ECT2: variants seen among roughly 807,000 people sequenced by gnomAD.
ECT2 encodes the protein protein ECT2.
ECT2 carries 61 observed loss-of-function variants against 116.9 expected under a neutral mutation model. The ratio of observed to expected loss-of-function variants is 0.52; its 90% CI spans 0.42 to 0.65. ECT2 has a LOEUF of 0.65. ECT2 is among the 30% of genes least tolerant of loss of function. The pLI, the probability that ECT2 is intolerant of heterozygous loss-of-function variation, is 0.00. For missense variants in ECT2, 937 were observed against 1,078.7 expected, an observed-to-expected ratio of 0.87 and a Z score of 1.84; for synonymous variants, 358 against 346.4, an observed-to-expected ratio of 1.03 and a Z score of -0.37.
At chr3:172,798,415 G>A (rs2108956257) in intron 18 of ECT2, among the ~76,000 whole-genome samples, 1 of 152,078 alleles carries the variant, frequency 6.6e-6, no homozygotes, top group Non-Finnish European at 1.5e-5. Flanking sequence ...TCCAACAAGT[G>A]CCCTAAAGTC....
In ECT2 at chr3:172,814,998, C is replaced by G. The variant is rs550550401; in HGVS notation, c.2401-606C>G. On this transcript the variant is annotated intron_variant, in intron 22 of 24. Transcript: ENST00000392692. ...CCAGCATGTCAGCAGTGGCTGACCT[C>G]ACAGAAGTACACAGTAGACTTGTGG... Among the ~76,000 whole-genome samples, 89 of 152,256 alleles carry G rather than the reference C, an allele frequency of 5.8e-4. 2 individuals carry two copies. The highest frequency in any genetic ancestry group is 9.4e-4 in the Non-Finnish European group (64 of 68,010).
At chr3:172,828,710 A>G in the ECT2 span, 1 of 473,914 alleles carries the variant, frequency 2.1e-6, no homozygotes, top group Non-Finnish European at 3.9e-6. Context: ...GCAGGGACGG[A>G]CAGGTGGCCC....
At chr3:172,778,968 A>G (rs971683785) in intron 14 of ECT2, among the ~76,000 whole-genome samples, 4 of 152,164 alleles carry the variant, frequency 2.6e-5, no homozygotes, top group Admixed American at 6.5e-5. Flanking sequence ...TATATTTCAG[A>G]GTGCCTAAAG....
intron 8 of ECT2, 149 bp from the exon 9 acceptor site, chr3:172,762,267 T>C (rs1174778478): frequency 1.3e-6 from 1 of 799,548 alleles, no homozygotes; most frequent in Non-Finnish European, 1.9e-6. Flanking sequence ...AAACTGAAGT[T>C]TTTGTGAGCA....
intron 18 of ECT2, among the ~76,000 whole-genome samples, chr3:172,791,550 T>G (rs1215904526): frequency 6.6e-6 from 1 of 152,250 alleles, no homozygotes; most frequent in Non-Finnish European, 1.5e-5. Flanking sequence ...TACTTTTATG[T>G]TACAGAAATG....
At position 172,789,672 on chromosome 3, in the gene ECT2, G is replaced by A. The variant is rs142338934; in HGVS notation, c.1907+3098G>A. Among the ~76,000 whole-genome samples the A allele has an allele frequency of 3.1e-3, 477 of 152,322 alleles. 5 individuals are homozygous for A. The highest frequency in any genetic ancestry group is 9.8e-3 in the African/African-American group (409 of 41,562). On this transcript the variant is annotated intron_variant, in intron 18 of 24. Transcript: ENST00000392692. ...ATTTTGACACCACGTTATCAACTAA[G>A]TGTCTGTAGTATTCTAAATCCTTTC...
At chr3:172,800,891 C>G (rs1354801676) in intron 18 of ECT2, among the ~76,000 whole-genome samples, 1 of 152,112 alleles carries the variant, frequency 6.6e-6, no homozygotes, top group South Asian at 2.1e-4. Flanking sequence ...AGAACAGTTA[C>G]AGATACAATC....
At chr3:172,756,763 A>T (rs1035146126) in intron 4 of ECT2, among the ~76,000 whole-genome samples, 2 of 152,178 alleles carry the variant, frequency 1.3e-5, no homozygotes, top group African/African-American at 4.8e-5. Context: ...TTAAGAACTT[A>T]ATTTGAATGG....
At chr3:172,805,637 ATAGATT>A (rs1414395015) in intron 20 of ECT2, 88 bp from the exon 21 acceptor site, 4 of 1,214,692 alleles carry the variant, frequency 3.3e-6, no homozygotes, top group Non-Finnish European at 4.6e-6. Context: ...TAAGTTATAT[ATAGATT>A]TATGTGATTA....
At chr3:172,803,944 A>G (rs909386802) in intron 20 of ECT2, among the ~76,000 whole-genome samples, 1 of 151,918 alleles carries the variant, frequency 6.6e-6, no homozygotes, top group Non-Finnish European at 1.5e-5. Context: ...AGCTGAGACT[A>G]TAGACACTCG....
chr3:172,813,112 T>A (rs1370159646), intron 22 of ECT2, among the ~76,000 whole-genome samples: 1 of 152,076 alleles, frequency 6.6e-6, no homozygotes, highest in Admixed American at 6.6e-5. Flanking sequence ...AACCAAAAAC[T>A]ATTAGAATTA....
chr3:172,770,398 C>T (rs1057046097), intron 13 of ECT2, among the ~76,000 whole-genome samples: 2 of 152,252 alleles, frequency 1.3e-5, no homozygotes, highest in African/African-American at 2.4e-5. Flanking sequence ...AAAAATCTCA[C>T]GAAATTATTA....
At chr3:172,784,307 T>C (rs1214976164) in intron 16 of ECT2, among the ~76,000 whole-genome samples, 1 of 152,200 alleles carries the variant, frequency 6.6e-6, no homozygotes, top group East Asian at 1.9e-4. Context: ...TAAAGTTTTA[T>C]GTATTTTAGT....
chr3:172,823,303 C>T (rs1730760985), downstream of ECT2, among the ~76,000 whole-genome samples: 1 of 144,088 alleles, frequency 6.9e-6, no homozygotes, highest in African/African-American at 2.9e-5. Context: ...ACTCCAGTCT[C>T]TAAAAACAAC....
At position 172,821,283 on chromosome 3, in the gene ECT2, ATTTC is replaced by A. The variant is rs374381824; in HGVS notation, c.*1050_*1053del. 1.3e-5 allele frequency: 2 copies of A among 151,928 alleles called. No individual in the cohort carries two copies. Among genetic ancestry groups the A allele is most frequent in the African/African-American group, 2.4e-5 (1 of 41,526 alleles). The allele number at this position is 151,928 out of a possible 1,614,324, so 9.4% of individuals were successfully genotyped here. A position where few individuals can be genotyped will look rare whatever the true frequency, so the allele number is the denominator to read the frequency against. ...ATGGATAAATGCATTTTTATTTCCTATTTCTTTAGGGAGTGCTACAAATGTTTGT... is the reference window on the plus strand; with the variant it reads ...ATGGATAAATGCATTTTTATTTCCTATTTAGGGAGTGCTACAAATGTTTGT... On this transcript the variant is annotated 3_prime_UTR_variant, in exon 25 of 25. Transcript: ENST00000392692.
chr3:172,754,752 G>T (rs1685283000), intron 2 of ECT2, 92 bp downstream of exon 2: 1 of 943,628 alleles, frequency 1.1e-6, no homozygotes, highest in African/African-American at 1.7e-5. Flanking sequence ...AATACCAACT[G>T]TAATGCTAGA....
intron 13 of ECT2, among the ~76,000 whole-genome samples, chr3:172,770,282 A>G (rs917925352): frequency 2.6e-5 from 4 of 152,216 alleles, no homozygotes; most frequent in African/African-American, 9.6e-5. Context: ...GTACTTTAGT[A>G]GCATTTATTG....
intron 21 of ECT2, among the ~76,000 whole-genome samples, chr3:172,807,210 C>T (rs968368294): frequency 2.0e-5 from 3 of 152,200 alleles, no homozygotes; most frequent in Admixed American, 2.0e-4. Context: ...AGTGTAAATG[C>T]TGTGTAAACA....
At chr3:172,810,359 C>A (rs1423076142) in intron 22 of ECT2, among the ~76,000 whole-genome samples, 1 of 152,108 alleles carries the variant, frequency 6.6e-6, no homozygotes, top group Non-Finnish European at 1.5e-5. Flanking sequence ...GAGTTGCAAT[C>A]TTCATTCTGA....
Sources: gnomAD v4.1 joint callset for allele counts (sites outside exome capture counted in the v4.1 genomes callset) on GRCh38, gnomAD v4.1.1 for gene constraint, MANE v1.5 for transcripts, NCBI Gene and HGNC (gene_info 2026-07-23, HGNC 2026-07-21) for gene names.